BBS9: variants seen among roughly 807,000 people sequenced by gnomAD.
BBS9 encodes protein PTHB1.
A neutral mutation model predicts 117.7 loss-of-function variants in BBS9; 89 were observed. That is an observed-to-expected ratio of 0.76 (90% CI 0.64 to 0.90). BBS9 has a LOEUF of 0.90. BBS9 is among the 40% of genes least tolerant of loss of function. BBS9 has a pLI of 0.00. For missense variants in BBS9, 982 were observed against 1,042.2 expected (o/e 0.94, Z 0.80); for synonymous variants, 379 against 370.9 (o/e 1.02, Z -0.25).
Position 33,424,663 on chromosome 7 carries a change from C to T in BBS9, c.2115+36519C>T, listed in dbSNP as rs138156476. 1.4e-4 allele frequency among the ~76,000 whole-genome samples: 22 copies of T among 152,148 alleles called. No individual in the cohort carries two copies. The East Asian group carries it at 3.5e-3, about 24-fold the overall frequency. ...ATAAGACTTTAAGCAGAGGGTTTAA[C>T]AGAATTTTGTAGGAAATTTTAATAT... On this transcript the variant is annotated intron_variant, in intron 19 of 22. Transcript: ENST00000242067.
At chr7:33,136,757 C>A (rs1216417917) in intron 1 of BBS9, among the ~76,000 whole-genome samples, 3 of 152,052 alleles carry the variant, frequency 2.0e-5, no homozygotes, top group African/African-American at 7.2e-5. Context: ...TTTTTGCATC[C>A]ATATGCATAA....
chr7:33,539,555 T>G (rs1056578428), intron 21 of BBS9, among the ~76,000 whole-genome samples: 16 of 152,240 alleles, frequency 1.1e-4, no homozygotes, highest in Non-Finnish European at 2.4e-4. Context: ...ATGACAATAG[T>G]GCATACTCAA....
At chr7:33,424,026 G>C (rs576757723) in intron 19 of BBS9, among the ~76,000 whole-genome samples, 1 of 151,740 alleles carries the variant, frequency 6.6e-6, no homozygotes, top group Admixed American at 6.6e-5. Context: ...TTTTTGCTCC[G>C]GCCACCAGCA....
intron 5 of BBS9, among the ~76,000 whole-genome samples, chr7:33,233,105 G>A (rs1262719925): frequency 6.6e-6 from 1 of 152,068 alleles, no homozygotes; most frequent in Non-Finnish European, 1.5e-5. Context: ...AATAGGGGGG[G>A]TTGAGAAATG....
chr7:33,247,057 TG>T (rs59807443), intron 5 of BBS9, among the ~76,000 whole-genome samples: 3,548 of 152,130 alleles, frequency 0.023, 128 homozygotes, highest in African/African-American at 0.081. Context: ...GCAAAAAAGA[TG>T]AATTTCTGAG....
At chr7:33,515,761 C>T (rs1416652499) in intron 20 of BBS9, among the ~76,000 whole-genome samples, 1 of 152,186 alleles carries the variant, frequency 6.6e-6, no homozygotes, top group Non-Finnish European at 1.5e-5. Context: ...CAAAGCATAA[C>T]ACAGTTTATT....
At chr7:33,257,808 A>G (rs1169285285) in intron 6 of BBS9, among the ~76,000 whole-genome samples, 1 of 152,192 alleles carries the variant, frequency 6.6e-6, no homozygotes. Context: ...TACGATGTTG[A>G]GTGAAAAAAG....
intron 19 of BBS9, among the ~76,000 whole-genome samples, chr7:33,421,797 T>A (rs1457291682): frequency 6.6e-6 from 1 of 152,196 alleles, no homozygotes; most frequent in African/African-American, 2.4e-5. Flanking sequence ...AACACTGATC[T>A]TTCTTAAAGA....
chr7:33,189,625 C>T (rs7797597), intron 5 of BBS9, among the ~76,000 whole-genome samples: 1,971 of 151,470 alleles, frequency 0.013, 54 homozygotes, highest in African/African-American at 0.046. Flanking sequence ...TGGTGGCTCA[C>T]GCCTGTAATC....
intron 19 of BBS9, among the ~76,000 whole-genome samples, chr7:33,504,362 G>A (rs915431675): frequency 6.6e-6 from 1 of 152,074 alleles, no homozygotes; most frequent in African/African-American, 2.4e-5. Flanking sequence ...ACACTCTGAG[G>A]GCTGTTTCTG....
Position 33,388,069 on chromosome 7 carries a change from A to G in BBS9, c.2040A>G (p.Leu680=), listed in dbSNP as rs1826354440. Residue 680 remains leucine (L), a synonymous_variant, in exon 19 of 23, where the codon CTA becomes CTG. Coordinates refer to ENST00000242067, the MANE Select transcript of BBS9 (RefSeq NM_198428.3). The part of the protein sequence containing the change: ...AVQFRAIQRR[L]LARFKDKTPA... ...AATTTCGGGCCATTCAACGCCGGCT[A>G]CTAGCAAGATTCAAAGATAAAACTC... The G allele has an allele frequency of 1.9e-6, 3 of 1,614,076 alleles. No individual in the cohort carries two copies. Among genetic ancestry groups the G allele is most frequent in the African/African-American group, 2.7e-5 (2 of 74,954 alleles).
chr7:33,132,266 TA>T lies in BBS9; in HGVS notation c.-12+2226del, dbSNP rs1388567030. Reference sequence around the variant, plus strand: ...GTTTAGGTACCGCACATCACTTAACTAGTGAGACCACTGGCACGGATTTCTT... The same window carrying T: ...GTTTAGGTACCGCACATCACTTAACTGTGAGACCACTGGCACGGATTTCTT... On this transcript the variant is annotated intron_variant, in intron 1 of 22. Coordinates refer to ENST00000242067, the MANE Select transcript of BBS9 (RefSeq NM_198428.3). Among the ~76,000 whole-genome samples, 163 of 152,320 alleles carry T rather than the reference TA, an allele frequency of 1.1e-3. 3 individuals carry two copies. The highest frequency in any genetic ancestry group is 5.7e-4 in the Non-Finnish European group (39 of 68,034).
chr7:33,224,723 C>A (rs762943327), intron 5 of BBS9, among the ~76,000 whole-genome samples: 1 of 152,116 alleles, frequency 6.6e-6, no homozygotes, highest in Non-Finnish European at 1.5e-5. Context: ...TAAATGTGTT[C>A]CTCTGTCCAC....
chr7:33,351,503 T>G (rs1490621111), intron 14 of BBS9, 180 bp downstream of exon 14: 5 of 628,582 alleles, frequency 8.0e-6, no homozygotes, highest in Non-Finnish European at 1.5e-5. Flanking sequence ...GTGATAAGGC[T>G]ATTTAGCTGA....
At chr7:33,247,751 A>G (rs1281040761) in intron 5 of BBS9, among the ~76,000 whole-genome samples, 2 of 152,186 alleles carry the variant, frequency 1.3e-5, no homozygotes, top group African/African-American at 4.8e-5. Flanking sequence ...GAATTTGTTG[A>G]ATGAATATGA....
At chr7:33,504,977 A>G (rs1039975703) in intron 19 of BBS9, among the ~76,000 whole-genome samples, 12 of 152,174 alleles carry the variant, frequency 7.9e-5, no homozygotes, top group Non-Finnish European at 1.5e-4. Flanking sequence ...AATATTAGAT[A>G]TCTCAATACC....
chr7:33,284,687 G>C (rs1404759716), intron 9 of BBS9, among the ~76,000 whole-genome samples: 1 of 152,052 alleles, frequency 6.6e-6, no homozygotes, highest in Admixed American at 6.6e-5. Context: ...CTTATTTTCT[G>C]TTCCCAATAT....
intron 6 of BBS9, 119 bp downstream of exon 6, chr7:33,257,529 A>G (rs1016862079): frequency 1.1e-6 from 1 of 929,664 alleles, no homozygotes; most frequent in Non-Finnish European, 1.7e-6. Context: ...TTCTTTGAAA[A>G]TATGTGATTG....
chr7:33,207,266 T>C (rs1356448925), intron 5 of BBS9, among the ~76,000 whole-genome samples: 3 of 152,216 alleles, frequency 2.0e-5, no homozygotes, highest in Non-Finnish European at 4.4e-5. Flanking sequence ...TTGCCTGCAA[T>C]AATCTTTACT....
Sources: allele counts gnomAD v4.1 joint callset (sites outside exome capture counted in the v4.1 genomes callset), GRCh38; gene constraint gnomAD v4.1.1; transcripts MANE v1.5; gene names NCBI Gene and HGNC (gene_info 2026-07-23, HGNC 2026-07-21).